FGF12: variants seen among roughly 807,000 people sequenced by gnomAD.
FGF12 encodes the protein fibroblast growth factor 12, also known as fibroblast growth factor 12B.
FGF12 carries 14 observed loss-of-function variants against 23.6 expected under a neutral mutation model. The ratio of observed to expected loss-of-function variants is 0.59; its 90% CI spans 0.39 to 0.93. FGF12 has a LOEUF of 0.93. Ranked by LOEUF, FGF12 falls within the 40% of genes least tolerant of loss-of-function variation. FGF12 has a pLI of 0.00. For missense variants in FGF12, 175 were observed against 217.8 expected (o/e 0.80, Z 1.24); for synonymous variants, 62 against 77.3 (o/e 0.80, Z 1.04).
chr3:192,601,949 T>C (rs920460271), intron 2 of FGF12, among the ~76,000 whole-genome samples: 1 of 152,168 alleles, frequency 6.6e-6, no homozygotes, highest in African/African-American at 2.4e-5. Flanking sequence ...TCACAGTTGG[T>C]TGAATCCACA....
chr3:192,273,503 T>C (rs997011986), intron 4 of FGF12, among the ~76,000 whole-genome samples: 5 of 152,170 alleles, frequency 3.3e-5, no homozygotes, highest in Non-Finnish European at 7.3e-5. Flanking sequence ...TCCTCACCAG[T>C]AGCTCAGGAT....
At chr3:192,725,571 C>T (rs947955269) in intron 2 of FGF12, among the ~76,000 whole-genome samples, 3 of 151,882 alleles carry the variant, frequency 2.0e-5, no homozygotes, top group Admixed American at 6.6e-5. Flanking sequence ...TTATGGGCAA[C>T]GAAGGAAAAT....
At chr3:192,403,182 G>A (rs1720832209) in intron 2 of FGF12, among the ~76,000 whole-genome samples, 1 of 151,936 alleles carries the variant, frequency 6.6e-6, no homozygotes, top group African/African-American at 2.4e-5. Flanking sequence ...GTAAGCCCAG[G>A]ACTTTTTAAA....
At chr3:192,554,823 A>G (rs1711695082) in intron 2 of FGF12, among the ~76,000 whole-genome samples, 1 of 152,126 alleles carries the variant, frequency 6.6e-6, no homozygotes, top group South Asian at 2.1e-4. Flanking sequence ...TAAAATGAGA[A>G]TATCAACAAA....
intron 2 of FGF12, among the ~76,000 whole-genome samples, chr3:192,499,240 A>T (rs1724048475): frequency 6.6e-6 from 1 of 151,966 alleles, no homozygotes; most frequent in Admixed American, 6.6e-5. Context: ...TACAGATGAG[A>T]ATTTTGAGAG....
intron 2 of FGF12, among the ~76,000 whole-genome samples, chr3:192,434,356 A>G (rs944127758): frequency 2.0e-5 from 3 of 152,200 alleles, no homozygotes; most frequent in African/African-American, 7.2e-5. Flanking sequence ...AAGAAAAACA[A>G]GGCATGGAAA....
At chr3:192,258,310 T>C (rs1165435640) in intron 4 of FGF12, among the ~76,000 whole-genome samples, 1 of 152,006 alleles carries the variant, frequency 6.6e-6, no homozygotes, top group African/African-American at 2.4e-5. Context: ...ATACAAACAT[T>C]AGCCAGGCGT....
chr3:192,295,842 A>C (rs572390778), intron 4 of FGF12, among the ~76,000 whole-genome samples: 1 of 151,920 alleles, frequency 6.6e-6, no homozygotes, highest in Non-Finnish European at 1.5e-5. Flanking sequence ...TGATTTAAAA[A>C]CTGCAATAGA....
At chr3:192,375,400 T>C (rs1183325934) in intron 2 of FGF12, among the ~76,000 whole-genome samples, 1 of 152,200 alleles carries the variant, frequency 6.6e-6, no homozygotes, top group Non-Finnish European at 1.5e-5. Context: ...ATTACAGTTC[T>C]GTCTCTATTA....
chr3:192,298,450 T>C (rs1715162987), intron 4 of FGF12, among the ~76,000 whole-genome samples: 1 of 152,142 alleles, frequency 6.6e-6, no homozygotes, highest in Non-Finnish European at 1.5e-5. Context: ...GTAATTTATT[T>C]TAAAAATAGG....
chr3:192,172,983 T>C (rs1715652192), intron 4 of FGF12, among the ~76,000 whole-genome samples: 1 of 151,062 alleles, frequency 6.6e-6, no homozygotes, highest in African/African-American at 2.4e-5. Context: ...TACTGATTTA[T>C]GTGGCAACAA....
intron 4 of FGF12, among the ~76,000 whole-genome samples, chr3:192,288,452 A>AT (rs1434905430): frequency 5.3e-5 from 8 of 152,002 alleles, no homozygotes; most frequent in African/African-American, 1.9e-4. Context: ...CCTGTGATTA[A>AT]TTTTTTTAAT....
At chr3:192,475,957 A>AG (rs1723307280) in intron 2 of FGF12, among the ~76,000 whole-genome samples, 1 of 152,038 alleles carries the variant, frequency 6.6e-6, no homozygotes, top group African/African-American at 2.4e-5. Flanking sequence ...ATAGATAGAT[A>AG]ATGATAGGCA....
At chr3:192,349,096 A>G (rs1487020031) in intron 3 of FGF12, among the ~76,000 whole-genome samples, 2 of 152,248 alleles carry the variant, frequency 1.3e-5, no homozygotes, top group African/African-American at 4.8e-5. Flanking sequence ...CCATATGAGT[A>G]TACATTTATA....
chr3:192,297,048 A>G (rs1265975424), intron 4 of FGF12, among the ~76,000 whole-genome samples: 1 of 152,194 alleles, frequency 6.6e-6, no homozygotes, highest in Admixed American at 6.5e-5. Context: ...TGTTTTTGGC[A>G]CAACATGGTT....
chr3:192,257,757 C>A (rs1303190282), intron 4 of FGF12, among the ~76,000 whole-genome samples: 1 of 151,966 alleles, frequency 6.6e-6, no homozygotes, highest in Admixed American at 6.6e-5. Flanking sequence ...AGAGTCTTTC[C>A]ATGGTCACAG....
At chr3:192,504,602 C>G (rs1245732995) in intron 2 of FGF12, among the ~76,000 whole-genome samples, 2 of 152,104 alleles carry the variant, frequency 1.3e-5, no homozygotes, top group Non-Finnish European at 2.9e-5. Flanking sequence ...TTGTTTCTTT[C>G]TCTGTGGATC....
intron 2 of FGF12, among the ~76,000 whole-genome samples, chr3:192,665,437 A>G (rs1716831125): frequency 6.6e-6 from 1 of 152,238 alleles, no homozygotes. Flanking sequence ...GCCATAAAAA[A>G]GAATGAGTTC....
intron 2 of FGF12, among the ~76,000 whole-genome samples, chr3:192,398,125 C>G (rs1465388174): frequency 6.6e-6 from 1 of 151,918 alleles, no homozygotes; most frequent in South Asian, 2.1e-4. Flanking sequence ...CTTGAAGAGA[C>G]AAAATAAGCC....
Sources: allele counts gnomAD v4.1 joint callset (sites outside exome capture counted in the v4.1 genomes callset), GRCh38; gene constraint gnomAD v4.1.1; transcripts MANE v1.5; gene names NCBI Gene and HGNC (gene_info 2026-07-23, HGNC 2026-07-21).